DGKB: variants seen among roughly 807,000 people sequenced by gnomAD.
DGKB encodes 90 kDa diacylglycerol kinase.
In DGKB, 67 loss-of-function variants were observed where a neutral mutation model predicts 114.3. The ratio of observed to expected loss-of-function variants is 0.59; its 90% CI spans 0.48 to 0.72. DGKB has a LOEUF of 0.72. Among genes scored for constraint, DGKB ranks in the 30% least tolerant of loss-of-function variants. The pLI is 0.00. For synonymous variants in DGKB, 398 were observed against 323.1 expected (o/e 1.23, Z -2.49); for missense variants, 907 against 975.2 (o/e 0.93, Z 0.93).
intron 13 of DGKB, among the ~76,000 whole-genome samples, chr7:14,633,295 C>A (rs1383410139): frequency 6.6e-6 from 1 of 151,772 alleles, no homozygotes; most frequent in African/African-American, 2.4e-5. Context: ...AAACTGATGA[C>A]CCAGCTGGAG....
At chr7:14,259,900 C>G (rs1363652590) in intron 23 of DGKB, among the ~76,000 whole-genome samples, 1 of 152,090 alleles carries the variant, frequency 6.6e-6, no homozygotes, top group African/African-American at 2.4e-5. Context: ...GCTACCATTT[C>G]TCTTTTTACC....
intron 21 of DGKB, among the ~76,000 whole-genome samples, chr7:14,352,346 A>AT (rs1250236530): frequency 6.6e-6 from 1 of 152,192 alleles, no homozygotes; most frequent in Non-Finnish European, 1.5e-5. Context: ...AAAAGTGGTT[A>AT]TTTAAGTATT....
intron 14 of DGKB, among the ~76,000 whole-genome samples, chr7:14,628,297 A>AGG (rs1809008528): frequency 8.6e-6 from 1 of 115,622 alleles, no homozygotes; most frequent in Non-Finnish European, 2.0e-5. Context: ...AAGACAAAAT[A>AGG]ACACAAGTTA....
intron 23 of DGKB, among the ~76,000 whole-genome samples, chr7:14,278,571 A>ATTGG (rs1799374507): frequency 6.6e-6 from 1 of 152,178 alleles, no homozygotes; most frequent in South Asian, 2.1e-4. Context: ...TGTTCATGAC[A>ATTGG]TTGGTCTGGC....
intron 21 of DGKB, among the ~76,000 whole-genome samples, chr7:14,436,331 C>A (rs1472234323): frequency 1.3e-5 from 2 of 151,972 alleles, no homozygotes; most frequent in Admixed American, 6.6e-5. Context: ...GCTCTTTGAC[C>A]AAATAGCATT....
chr7:14,320,324 G>A (rs917881489), intron 23 of DGKB, among the ~76,000 whole-genome samples: 2 of 152,118 alleles, frequency 1.3e-5, no homozygotes, highest in African/African-American at 4.8e-5. Flanking sequence ...TGGGCCCTGT[G>A]ATTTCATTAT....
intron 21 of DGKB, among the ~76,000 whole-genome samples, chr7:14,350,839 A>G (rs1411540888): frequency 6.6e-6 from 1 of 152,122 alleles, no homozygotes; most frequent in Non-Finnish European, 1.5e-5. Flanking sequence ...AAATCATAAT[A>G]TTTTAAGTAG....
chr7:14,445,054 A>T (rs1395053901), intron 21 of DGKB, among the ~76,000 whole-genome samples: 1 of 151,852 alleles, frequency 6.6e-6, no homozygotes, highest in Non-Finnish European at 1.5e-5. Context: ...CAGATTCTCT[A>T]CCTGTACCAC....
chr7:14,787,564 G>A (rs977267454), intron 2 of DGKB, among the ~76,000 whole-genome samples: 1 of 152,172 alleles, frequency 6.6e-6, no homozygotes, highest in Non-Finnish European at 1.5e-5. Flanking sequence ...ACGTAGAGAT[G>A]CATAAAAAGA....
intron 20 of DGKB, among the ~76,000 whole-genome samples, chr7:14,565,339 A>C (rs1797238192): frequency 6.6e-6 from 1 of 152,180 alleles, no homozygotes; most frequent in Admixed American, 6.5e-5. Context: ...GTAATCTTCC[A>C]CTAAAGGCAC....
intron 23 of DGKB, among the ~76,000 whole-genome samples, chr7:14,202,281 GAGA>G (rs1186720566): frequency 2.0e-5 from 3 of 151,948 alleles, no homozygotes; most frequent in Non-Finnish European, 4.4e-5. Context: ...AAAGAAGTCA[GAGA>G]AGATGAATGG....
rs370678369 is a variant in DGKB, at chr7:14,149,105, A to G, written c.*26T>C. On this transcript the variant is annotated 3_prime_UTR_variant, in exon 26 of 26. Coordinates refer to ENST00000402815, the MANE Select transcript of DGKB (RefSeq NM_001350709.2). The stretch of plus-strand genomic sequence containing the variant: ...TCCATGGCCCAATTATGCTAATTCA[A>G]TTTCTAAGAGTGAAACAACACAGGA... 3.7e-4 allele frequency: 591 copies of G among 1,592,088 alleles called. No individual in the cohort carries two copies. The highest frequency in any genetic ancestry group is 1.8e-3 in the African/African-American group (133 of 74,524).
At chr7:14,552,634 C>G (rs1168470636) in intron 20 of DGKB, among the ~76,000 whole-genome samples, 1 of 152,118 alleles carries the variant, frequency 6.6e-6, no homozygotes, top group East Asian at 1.9e-4. Flanking sequence ...GAAAAGCTAT[C>G]AGGTTTAAAA....
intron 23 of DGKB, among the ~76,000 whole-genome samples, chr7:14,181,843 C>A (rs565009798): frequency 6.6e-6 from 1 of 152,260 alleles, no homozygotes; most frequent in African/African-American, 2.4e-5. Context: ...TTTTTAAATA[C>A]CTCCATGGGA....
chr7:14,531,314 G>C (rs1462045431), intron 20 of DGKB, among the ~76,000 whole-genome samples: 1 of 151,316 alleles, frequency 6.6e-6, no homozygotes, highest in Non-Finnish European at 1.5e-5. Flanking sequence ...TCCAATTTTA[G>C]AGCCCAACAA....
intron 20 of DGKB, among the ~76,000 whole-genome samples, chr7:14,479,997 T>G (rs948630995): frequency 6.6e-5 from 10 of 152,036 alleles, no homozygotes; most frequent in Non-Finnish European, 1.5e-4. Flanking sequence ...GAATTGTTTC[T>G]GCTAAGTTGG....
intron 1 of DGKB, among the ~76,000 whole-genome samples, chr7:14,910,301 A>T (rs2128243166): frequency 7.2e-6 from 1 of 138,750 alleles, no homozygotes; most frequent in East Asian, 2.1e-4. Flanking sequence ...AAAGAAAGAA[A>T]GAAAGAAAGA....
intron 1 of DGKB, among the ~76,000 whole-genome samples, chr7:14,893,912 T>C (rs921027552): frequency 2.0e-5 from 3 of 151,300 alleles, no homozygotes; most frequent in African/African-American, 7.3e-5. Flanking sequence ...CAAATCCCAG[T>C]ATAGGATCTC....
At chr7:14,207,733 C>T (rs1278692365) in intron 23 of DGKB, among the ~76,000 whole-genome samples, 1 of 151,948 alleles carries the variant, frequency 6.6e-6, no homozygotes, top group Non-Finnish European at 1.5e-5. Flanking sequence ...GTTTTTTCAT[C>T]TTAAGGTGGC....
Sources: gnomAD v4.1 joint callset for allele counts (sites outside exome capture counted in the v4.1 genomes callset) on GRCh38, gnomAD v4.1.1 for gene constraint, MANE v1.5 for transcripts, NCBI Gene and HGNC (gene_info 2026-07-23, HGNC 2026-07-21) for gene names.